CRMP1: variants seen among roughly 807,000 people sequenced by gnomAD.
CRMP1 encodes the protein dihydropyrimidinase-related protein 1.
CRMP1 carries 19 observed loss-of-function variants against 68.3 expected under a neutral mutation model. That is an observed-to-expected ratio of 0.28 (90% confidence interval 0.19 to 0.41). The LOEUF is 0.41. Ranked by LOEUF, CRMP1 falls within the 10% of genes least tolerant of loss-of-function variation. CRMP1 has a pLI of 1.00. For missense variants in CRMP1, 791 were observed against 967.4 expected, an observed-to-expected ratio of 0.82 and a Z score of 2.42; for synonymous variants, 439 against 399.6, an observed-to-expected ratio of 1.10 and a Z score of -1.18.
chr4:5,866,894 C>T lies in CRMP1; in HGVS notation c.382-138G>A. ...AACTTCCCCCGCCCCAGATCCATCA[C>T]CAGCTTCAATACTTCTCTATCCAAT... On this transcript the variant is annotated intron_variant, in intron 1 of 13. Transcript: ENST00000324989. This position sits in a 1 kb window ranked among gnomAD's most constrained non-coding sequence, Gnocchi z 5.9. 1.7e-6 allele frequency: 1 copy of T among 579,866 alleles called. No individual in the cohort carries two copies. Among genetic ancestry groups the T allele is most frequent in the Non-Finnish European group, 3.0e-6 (1 of 330,626 alleles). The allele number at this position is 579,866 out of a possible 1,614,324, so 35.9% of individuals were successfully genotyped here. A position where few individuals can be genotyped will look rare whatever the true frequency, so the allele number is the denominator to read the frequency against.
chr4:5,869,697 AAAAAGAAAAAG>A (rs1714309155), intron 1 of CRMP1, among the ~76,000 whole-genome samples: 1 of 149,184 alleles, frequency 6.7e-6, no homozygotes, highest in Non-Finnish European at 1.5e-5. Context: ...AAAAAAAAAA[AAAAAGAAAAAG>A]AAAAGAAGTA....
intron 1 of CRMP1, chr4:5,887,429 TC>T: frequency 1.0e-6 from 1 of 985,364 alleles, no homozygotes; most frequent in East Asian, 1.1e-4. Flanking sequence ...ACAGTCAGGC[TC>T]CACGCTGATG....
In CRMP1 at chr4:5,879,645, T is replaced by C. The variant is rs1158572039; in HGVS notation, c.382-12889A>G. Reference sequence around the variant, plus strand: ...ACCCAATACACTGAACACTGTCCTATGAAGTTTAACATTCTATGCCAAATG... The same window carrying C: ...ACCCAATACACTGAACACTGTCCTACGAAGTTTAACATTCTATGCCAAATG... On this transcript the variant is annotated intron_variant, in intron 1 of 13. Coordinates refer to ENST00000324989, the MANE Select transcript of CRMP1 (RefSeq NM_001014809.3). The surrounding 1 kb of genome is among the most constrained non-coding windows in gnomAD (Gnocchi z 4.2). 1.3e-5 allele frequency among the ~76,000 whole-genome samples: 2 copies of C among 152,218 alleles called. No homozygotes were observed. Among genetic ancestry groups the C allele is most frequent in the African/African-American group, 4.8e-5 (2 of 41,460 alleles).
intron 3 of CRMP1, among the ~76,000 whole-genome samples, chr4:5,857,591 C>T (rs1713234557): frequency 6.6e-6 from 1 of 152,220 alleles, no homozygotes; most frequent in Non-Finnish European, 1.5e-5. Flanking sequence ...TAAGTTCGTT[C>T]ATTCAATCCT....
Position 5,825,710 on chromosome 4 carries a change from C to T in CRMP1, c.1804-51G>A. ...TTGATCGACACTGTGCATGTGTGCC[C>T]TTCTGGGCAGATAAAGCAGAGCCCT... On this transcript the variant is annotated intron_variant, in intron 12 of 13. Coordinates refer to ENST00000324989, the MANE Select transcript of CRMP1 (RefSeq NM_001014809.3). This position sits in a 1 kb window ranked among gnomAD's most constrained non-coding sequence, Gnocchi z 4.4. 2 of 1,582,948 alleles carry T rather than the reference C, an allele frequency of 1.3e-6. No individual in the cohort carries two copies. Among genetic ancestry groups the T allele is most frequent in the Non-Finnish European group, 8.6e-7 (1 of 1,164,938 alleles).
intron 4 of CRMP1, 85 bp from the exon 5 acceptor site, chr4:5,851,554 G>C: frequency 3.0e-6 from 4 of 1,334,704 alleles, no homozygotes; most frequent in Non-Finnish European, 3.2e-6. Context: ...CCACAGAGCA[G>C]AGTGGTAGTC....
rs890526657 is a variant in CRMP1 at position 5,888,343 on chromosome 4, C to G, written c.381+4246G>C. ...TGGAACCGGCGCTCTCGGCCCCGCT[C>G]CCAGCGGGCGCGCTGACAAAGGCCC... On this transcript the variant is annotated intron_variant, in intron 1 of 13. Coordinates refer to ENST00000324989, the MANE Select transcript of CRMP1 (RefSeq NM_001014809.3). This position sits in a 1 kb window ranked among gnomAD's most constrained non-coding sequence, Gnocchi z 6.4. 11 of 1,234,512 alleles carry G rather than the reference C, an allele frequency of 8.9e-6. No homozygotes were observed. Among genetic ancestry groups the G allele is most frequent in the African/African-American group, 3.1e-5 (2 of 64,152 alleles). 76.5% of individuals were successfully genotyped at this position (1,234,512 alleles called of 1,614,324 possible). A position where few individuals can be genotyped will look rare whatever the true frequency, so the allele number is the denominator to read the frequency against.
At chr4:5,874,897 A>C (rs545389783) in intron 1 of CRMP1, among the ~76,000 whole-genome samples, 1 of 152,306 alleles carries the variant, frequency 6.6e-6, no homozygotes, top group East Asian at 1.9e-4. Context: ...CAAAGCCTGC[A>C]CGCTACAGAT....
At position 5,846,461 on chromosome 4, in the gene CRMP1, T is replaced by G. The variant is rs566558781; in HGVS notation, c.963+2931A>C. Among the ~76,000 whole-genome samples the G allele has an allele frequency of 1.6e-4, 25 of 152,194 alleles. No homozygotes were observed. In the East Asian group the frequency reaches 4.5e-3, roughly 27 times the overall value. ...GATTATCTGGAAGAAGTGGGTGCCT[T>G]TTGTCTTATGGTGTGAACCCCAGCG... is the stretch of plus-strand genomic sequence containing the variant. On this transcript the variant is annotated intron_variant, in intron 6 of 13. Transcript: ENST00000324989.
rs536969374 is a variant in CRMP1 at position 5,842,622 on chromosome 4, TCA to T, written c.1032+469_1032+470del. ...CTCACACACACACACACACACTCAC[TCA>T]CACACACACACACGCACTGTCTCTC... On this transcript the variant is annotated intron_variant, in intron 7 of 13. Coordinates refer to ENST00000324989, the MANE Select transcript of CRMP1 (RefSeq NM_001014809.3). The surrounding 1 kb of genome is among the most constrained non-coding windows in gnomAD (Gnocchi z 4.5). Among the ~76,000 whole-genome samples, 237 of 142,988 alleles carry T rather than the reference TCA, an allele frequency of 1.7e-3. No homozygotes were observed. The highest frequency in any genetic ancestry group is 4.4e-3 in the African/African-American group (166 of 37,460). 93.8% of individuals were successfully genotyped at this position (142,988 alleles called of 152,430 possible).
At position 5,860,840 on chromosome 4, in the gene CRMP1, T is replaced by C. The variant is rs1713498033; in HGVS notation, c.655+186A>G. Among the ~76,000 whole-genome samples, 1 of 152,252 alleles carries C rather than the reference T, an allele frequency of 6.6e-6. No individual in the cohort carries two copies. Among genetic ancestry groups the C allele is most frequent in the Non-Finnish European group, 1.5e-5 (1 of 68,038 alleles). ...CCGTATTGTTTATTAAGCCATCTTCTGTGGCCCCAGTGGCACACACGGTAT... is the reference window on the plus strand; with the variant it reads ...CCGTATTGTTTATTAAGCCATCTTCCGTGGCCCCAGTGGCACACACGGTAT... On this transcript the variant is annotated intron_variant, in intron 3 of 13. Transcript: ENST00000324989. This position sits in a 1 kb window ranked among gnomAD's most constrained non-coding sequence, Gnocchi z 4.2.
chr4:5,836,685 C>T, intron 10 of CRMP1, 80 bp downstream of exon 10: 2 of 1,604,338 alleles, frequency 1.2e-6, no homozygotes, highest in African/African-American at 1.3e-5. Context: ...CTTTTAAGAA[C>T]CCAGCGTGCA....
chr4:5,889,678 T>C lies in CRMP1; in HGVS notation c.381+2911A>G. 1 of 1,536,080 alleles carries C rather than the reference T, an allele frequency of 6.5e-7. No homozygotes were observed. The highest frequency in any genetic ancestry group is 8.7e-7 in the Non-Finnish European group (1 of 1,146,884). On this transcript the variant is annotated intron_variant, in intron 1 of 13. Transcript: ENST00000324989. This position sits in a 1 kb window ranked among gnomAD's most constrained non-coding sequence, Gnocchi z 4.5. ...TGCATGCGAAATCCAACCCCACAGG[T>C]CCTATGAAACTACTCATCTTTTCTG...
rs577205553 is a variant in CRMP1 at position 5,848,789 on chromosome 4, C to T, written c.963+603G>A. On this transcript the variant is annotated intron_variant, in intron 6 of 13. Coordinates refer to ENST00000324989, the MANE Select transcript of CRMP1 (RefSeq NM_001014809.3). ...CATCATAGCATGGCGGTGGGCATCA[C>T]ATGAGACAGCAGGTGCATGCCAGCT... Among the ~76,000 whole-genome samples the T allele has an allele frequency of 1.2e-3, 179 of 152,314 alleles. 1 individual carries two copies. Among genetic ancestry groups the T allele is most frequent in the African/African-American group, 3.8e-3 (159 of 41,570 alleles).
rs528545033 is a variant in CRMP1 at position 5,879,868 on chromosome 4, G to C, written c.381+12721C>G. Reference sequence around the variant, plus strand: ...AATAAAATATAGCAAAAAAAAAAATGAGACGAAAGGAAAGGAAAATGAAAG... The same window carrying C: ...AATAAAATATAGCAAAAAAAAAAATCAGACGAAAGGAAAGGAAAATGAAAG... On this transcript the variant is annotated intron_variant, in intron 1 of 13. Transcript: ENST00000324989. This position sits in a 1 kb window ranked among gnomAD's most constrained non-coding sequence, Gnocchi z 4.2. 1.3e-5 allele frequency among the ~76,000 whole-genome samples: 2 copies of C among 150,398 alleles called. No homozygotes were observed. The highest frequency in any genetic ancestry group is 3.9e-4 in the East Asian group (2 of 5,164).
At chr4:5,839,858 C>T (rs774317176) in intron 8 of CRMP1, among the ~76,000 whole-genome samples, 180 bp from the exon 9 acceptor site, 1 of 152,256 alleles carries the variant, frequency 6.6e-6, no homozygotes, top group Non-Finnish European at 1.5e-5. Context: ...CCGGGCCCAG[C>T]TCCACCACAT....
chr4:5,830,963 TTTGTTTGG>T (rs1304492223), intron 11 of CRMP1, among the ~76,000 whole-genome samples: 1 of 152,176 alleles, frequency 6.6e-6, no homozygotes, highest in East Asian at 1.9e-4. Flanking sequence ...TTTTTGTTTG[TTTGTTTGG>T]TTGTTTTGAG....
Position 5,860,406 on chromosome 4 carries a change from C to T in CRMP1, c.655+620G>A, listed in dbSNP as rs139460766. 2.2e-3 allele frequency among the ~76,000 whole-genome samples: 330 copies of T among 152,324 alleles called. No homozygotes were observed. Among genetic ancestry groups the T allele is most frequent in the African/African-American group, 7.4e-3 (307 of 41,572 alleles). On this transcript the variant is annotated intron_variant, in intron 3 of 13. Transcript: ENST00000324989. This position sits in a 1 kb window ranked among gnomAD's most constrained non-coding sequence, Gnocchi z 4.2. The stretch of plus-strand genomic sequence containing the variant: ...CACTCCAGCCCCACTCCCACTCCTG[C>T]ACACCCTCAAATGAGAAAAACAAGT...
rs566729711 is a variant in CRMP1 at position 5,838,258 on chromosome 4, G to A, written c.1310+1264C>T. Among the ~76,000 whole-genome samples, 11 of 152,260 alleles carry A rather than the reference G, an allele frequency of 7.2e-5. No homozygotes were observed. The East Asian group carries it at 1.9e-3, about 27-fold the overall frequency. ...GTCAGCATGAAGCTGGGACTGGACC[G>A]AGGGAGCCAAGGGCAGAGGAGGCCC... On this transcript the variant is annotated intron_variant, in intron 9 of 13. Transcript: ENST00000324989. This position sits in a 1 kb window ranked among gnomAD's most constrained non-coding sequence, Gnocchi z 4.9.
Sources: allele counts gnomAD v4.1 joint callset (sites outside exome capture counted in the v4.1 genomes callset), GRCh38; gene constraint gnomAD v4.1.1; non-coding constraint Gnocchi (gnomAD v3.1); transcripts MANE v1.5; gene names NCBI Gene and HGNC (gene_info 2026-07-23, HGNC 2026-07-21).